SORCS1: variants seen among roughly 807,000 people sequenced by gnomAD.
SORCS1 encodes the protein sortilin related VPS10 domain containing receptor 1.
SORCS1 carries 60 observed loss-of-function variants against 146.1 expected under a neutral mutation model. The ratio of observed to expected loss-of-function variants is 0.41; its 90% CI spans 0.33 to 0.51. The LOEUF (loss-of-function observed/expected upper bound fraction) is 0.51. SORCS1 is among the 20% of genes least tolerant of loss of function. The probability of loss-of-function intolerance (pLI) is 0.21; values close to 1 mark genes in which losing one functional copy is unlikely to be tolerated. For missense variants in SORCS1, 1,352 were observed against 1,487.6 expected (o/e 0.91, Z 1.50); for synonymous variants, 637 against 584.0 (o/e 1.09, Z -1.31).
intron 1 of SORCS1, among the ~76,000 whole-genome samples, chr10:107,053,477 C>G (rs1590028782): frequency 6.6e-6 from 1 of 152,044 alleles, no homozygotes; most frequent in East Asian, 1.9e-4. Flanking sequence ...AGTGAGCAAA[C>G]ACATATTTAT....
intron 1 of SORCS1, among the ~76,000 whole-genome samples, chr10:106,990,173 C>A (rs943302812): frequency 4.6e-5 from 7 of 152,182 alleles, no homozygotes; most frequent in African/African-American, 1.7e-4. Context: ...GACTGTTACT[C>A]TCCTAACATA....
intron 1 of SORCS1, among the ~76,000 whole-genome samples, chr10:107,037,716 T>C (rs1411352700): frequency 6.6e-6 from 1 of 152,224 alleles, no homozygotes; most frequent in East Asian, 1.9e-4. Flanking sequence ...TTAGTCCCAA[T>C]TGCTTCAGCT....
chr10:106,590,185 C>T (rs1282525709), intron 24 of SORCS1, among the ~76,000 whole-genome samples: 1 of 152,136 alleles, frequency 6.6e-6, no homozygotes, highest in Non-Finnish European at 1.5e-5. Context: ...GGCCTCTCAA[C>T]CTGCAATGCT....
At chr10:107,165,739 C>T (rs1235392848), upstream of SORCS1, among the ~76,000 whole-genome samples, 3 of 152,218 alleles carry the variant, frequency 2.0e-5, no homozygotes, top group Non-Finnish European at 4.4e-5. This position sits in a 1 kb window ranked among gnomAD's most constrained non-coding sequence, Gnocchi z 4.0. Flanking sequence ...GCTACTGCCA[C>T]ATGCTTTGAG....
rs187515182 is a variant in SORCS1, at chr10:106,745,039, T to C, written c.960-14925A>G. Among the ~76,000 whole-genome samples the C allele has an allele frequency of 3.6e-3, 550 of 151,718 alleles. 9 individuals carry two copies. The highest frequency in any genetic ancestry group is 0.013 in the African/African-American group (531 of 41,482). On this transcript the variant is annotated intron_variant, in intron 5 of 25. Coordinates refer to ENST00000263054, the MANE Select transcript of SORCS1 (RefSeq NM_052918.5). The stretch of plus-strand genomic sequence containing the variant: ...TTTATTAGCCAAAAAGTCTTGCCCT[T>C]AATTAGTAGGTCAACAGGGATCCTC...
intron 19 of SORCS1, among the ~76,000 whole-genome samples, chr10:106,623,878 T>C (rs1444884924): frequency 6.6e-6 from 1 of 151,960 alleles, no homozygotes. Context: ...GGTACGGACT[T>C]TCACCATGTT....
At chr10:106,891,293 G>A (rs538743154) in intron 2 of SORCS1, among the ~76,000 whole-genome samples, 28 of 152,106 alleles carry the variant, frequency 1.8e-4, no homozygotes, top group Middle Eastern at 3.4e-3. Flanking sequence ...GCTAATAACC[G>A]GTGGCCCCTT....
the SORCS1 span, among the ~76,000 whole-genome samples, chr10:107,171,581 A>G: frequency 8.2e-6 from 1 of 122,228 alleles, no homozygotes; most frequent in African/African-American, 3.2e-5. Flanking sequence ...CATTGGTGCT[A>G]TCTTGGCTCA....
intron 1 of SORCS1, among the ~76,000 whole-genome samples, chr10:107,045,660 AT>A (rs1959311593): frequency 6.6e-6 from 1 of 152,028 alleles, no homozygotes; most frequent in Non-Finnish European, 1.5e-5. Flanking sequence ...CCATGCCAAT[AT>A]TTTAATTTAT....
At chr10:106,880,424 C>T (rs1321683745) in intron 2 of SORCS1, among the ~76,000 whole-genome samples, 1 of 152,066 alleles carries the variant, frequency 6.6e-6, no homozygotes, top group Non-Finnish European at 1.5e-5. Context: ...CTAAATATGT[C>T]ACTGAAGGGC....
intron 3 of SORCS1, among the ~76,000 whole-genome samples, chr10:106,815,898 TC>T (rs1278076069): frequency 6.6e-6 from 1 of 152,232 alleles, no homozygotes; most frequent in African/African-American, 2.4e-5. Flanking sequence ...AGAGGCCAGT[TC>T]TTTCTGTCAA....
In SORCS1 at chr10:106,960,401, T is replaced by C. The variant is rs1955165659; in HGVS notation, c.559-3821A>G. On this transcript the variant is annotated intron_variant, in intron 1 of 25. Transcript: ENST00000263054. This position sits in a 1 kb window ranked among gnomAD's most constrained non-coding sequence, Gnocchi z 4.4. ...TTCACTTGGTCCATACGTTTTCTCTTTTTCTTTTTCTTTTTTTTTTTTGAG... is the reference window on the plus strand; with the variant it reads ...TTCACTTGGTCCATACGTTTTCTCTCTTTCTTTTTCTTTTTTTTTTTTGAG... Among the ~76,000 whole-genome samples, 1 of 148,638 alleles carries C rather than the reference T, an allele frequency of 6.7e-6. No individual in the cohort carries two copies. The highest frequency in any genetic ancestry group is 2.6e-5 in the African/African-American group (1 of 38,470).
chr10:106,653,540 T>C (rs1173338743), intron 17 of SORCS1, among the ~76,000 whole-genome samples: 1 of 152,206 alleles, frequency 6.6e-6, no homozygotes, highest in East Asian at 1.9e-4. Flanking sequence ...ATCTCTGCAC[T>C]TACTGTATGA....
chr10:106,604,523 A>C (rs1439430295), intron 23 of SORCS1, among the ~76,000 whole-genome samples: 2 of 152,280 alleles, frequency 1.3e-5, no homozygotes, highest in Non-Finnish European at 2.9e-5. Flanking sequence ...CTTTGCTTTG[A>C]GTCCTGGAAT....
chr10:106,924,460 G>GT (rs879728487), intron 2 of SORCS1, among the ~76,000 whole-genome samples: 3 of 136,078 alleles, frequency 2.2e-5, no homozygotes, highest in Non-Finnish European at 4.8e-5. Flanking sequence ...AAATTCCACA[G>GT]TTATCGATCT....
At chr10:106,678,148 T>C (rs1012689355) in intron 12 of SORCS1, among the ~76,000 whole-genome samples, 3 of 152,214 alleles carry the variant, frequency 2.0e-5, no homozygotes, top group African/African-American at 4.8e-5. Flanking sequence ...GGAGTTACAT[T>C]ACAGACAATC....
At chr10:106,998,010 T>A (rs1219785710) in intron 1 of SORCS1, among the ~76,000 whole-genome samples, 2 of 152,178 alleles carry the variant, frequency 1.3e-5, no homozygotes, top group African/African-American at 4.8e-5. Context: ...TGCTTCTAAT[T>A]AAGGAGAAGA....
rs149151447 is a variant in SORCS1, at chr10:107,070,704, A to T, written c.558+93265T>A. Among the ~76,000 whole-genome samples the T allele has an allele frequency of 9.8e-3, 1,495 of 152,306 alleles. 30 individuals are homozygous for T. Among genetic ancestry groups the T allele is most frequent in the African/African-American group, 0.034 (1,433 of 41,568 alleles). On this transcript the variant is annotated intron_variant, in intron 1 of 25. Transcript: ENST00000263054. ...AAAATAATACCTCGTTTGTGATTGA[A>T]CTGTAGCAAAATTTCACAGTAAAAT...
At chr10:106,966,781 C>A (rs1412934121) in intron 1 of SORCS1, among the ~76,000 whole-genome samples, 1 of 152,218 alleles carries the variant, frequency 6.6e-6, no homozygotes, top group African/African-American at 2.4e-5. Flanking sequence ...AGTTGCAGGA[C>A]TCTTCCTGTG....
Sources: allele counts gnomAD v4.1 joint callset (sites outside exome capture counted in the v4.1 genomes callset), GRCh38; gene constraint gnomAD v4.1.1; non-coding constraint Gnocchi (gnomAD v3.1); transcripts MANE v1.5; gene names NCBI Gene and HGNC (gene_info 2026-07-23, HGNC 2026-07-21).